Variants in NRXN3 observed in about 807,000 individuals in gnomAD.
NRXN3 encodes neurexin III.
Under a neutral mutation model 137.6 loss-of-function variants are expected in NRXN3, and 32 were observed. That is an observed-to-expected ratio of 0.23 (90% confidence interval 0.18 to 0.31). The LOEUF is 0.31. Ranked by LOEUF, NRXN3 falls within the 10% of genes least tolerant of loss-of-function variation. NRXN3 has a pLI of 1.00. For missense variants in NRXN3, 1,574 were observed against 2,062.5 expected, an observed-to-expected ratio of 0.76 and a Z score of 4.59; for synonymous variants, 798 against 784.5, an observed-to-expected ratio of 1.02 and a Z score of -0.29.
At chr14:78,736,254 G>A (rs4903795) in intron 8 of NRXN3, among the ~76,000 whole-genome samples, 62,086 of 152,038 alleles carry the variant, frequency 0.41, 13,854 homozygotes, top group Admixed American at 0.49. Flanking sequence ...CCATCCTGGA[G>A]TTCAAGATGT....
chr14:79,317,342 A>G (rs184222921), intron 15 of NRXN3, among the ~76,000 whole-genome samples: 1 of 152,250 alleles, frequency 6.6e-6, no homozygotes, highest in African/African-American at 2.4e-5. Context: ...AATCTTTGGC[A>G]TTCTTTGGTT....
chr14:78,240,742 G>A (rs2066979345), intron 1 of NRXN3, among the ~76,000 whole-genome samples: 1 of 152,182 alleles, frequency 6.6e-6, no homozygotes, highest in African/African-American at 2.4e-5. Context: ...ATAGAACAAA[G>A]CCTTTCCTTA....
intron 15 of NRXN3, among the ~76,000 whole-genome samples, chr14:79,409,615 GTCTA>G (rs1458758616): frequency 3.7e-5 from 2 of 53,420 alleles, no homozygotes; most frequent in South Asian, 1.4e-3. Context: ...GTGTGTGTGT[GTCTA>G]TATATATATA....
intron 3 of NRXN3, among the ~76,000 whole-genome samples, chr14:78,296,488 T>A (rs913619123): frequency 6.6e-6 from 1 of 152,166 alleles, no homozygotes; most frequent in African/African-American, 2.4e-5. Flanking sequence ...CCTTTTCTCC[T>A]CTCTTCTTAC....
rs2293812 is a variant in NRXN3 at position 79,813,653 on chromosome 14, C to T, written c.4093+8463C>T. ...TATCTCAAAACAAAACAAACCCCAA[C>T]GAAATCCAAGAAAGTTGTGTACAAA... On this transcript the variant is annotated intron_variant, in intron 20 of 20. Transcript: ENST00000335750. Among the ~76,000 whole-genome samples, 76 of 152,216 alleles carry T rather than the reference C, an allele frequency of 5.0e-4. 1 individual carries two copies. The East Asian group carries it at 7.7e-3, about 15-fold the overall frequency.
intron 10 of NRXN3, among the ~76,000 whole-genome samples, chr14:78,917,888 A>G (rs2099259817): frequency 6.6e-6 from 1 of 152,040 alleles, no homozygotes; most frequent in Non-Finnish European, 1.5e-5. Flanking sequence ...TACAAAGTCA[A>G]TCTAGGAGTA....
chr14:78,171,521 C>T (rs967770837), intron 1 of NRXN3, among the ~76,000 whole-genome samples: 7 of 151,802 alleles, frequency 4.6e-5, no homozygotes, highest in South Asian at 2.1e-4. Flanking sequence ...AAGCCTGGTT[C>T]GATGTATTGT....
At chr14:78,456,803 T>TCTTTCTC (rs2094723372) in intron 4 of NRXN3, among the ~76,000 whole-genome samples, 1 of 82,794 alleles carries the variant, frequency 1.2e-5, no homozygotes, top group Non-Finnish European at 2.6e-5. Flanking sequence ...CTTTCTCTCT[T>TCTTTCTC]TCTTTCTTTC....
rs866862711 is a variant in NRXN3 at position 78,539,347 on chromosome 14, G to T, written c.758-105773G>T. On this transcript the variant is annotated intron_variant, in intron 4 of 20. Coordinates refer to ENST00000335750, the MANE Select transcript of NRXN3 (RefSeq NM_001330195.2). Reference sequence around the variant, plus strand: ...TTCTTCCTGGTTTAGTCTTGGGAGGGTATATGTGTCCAGGAATTTATCCAT... The same window carrying T: ...TTCTTCCTGGTTTAGTCTTGGGAGGTTATATGTGTCCAGGAATTTATCCAT... 3.8e-4 allele frequency among the ~76,000 whole-genome samples: 58 copies of T among 152,150 alleles called. 1 individual carries two copies. Among genetic ancestry groups the T allele is most frequent in the African/African-American group, 1.3e-3 (54 of 41,436 alleles).
chr14:79,668,373 G>A (rs949880334), intron 17 of NRXN3, among the ~76,000 whole-genome samples: 2 of 151,976 alleles, frequency 1.3e-5, no homozygotes, highest in Non-Finnish European at 2.9e-5. Flanking sequence ...ACTCCATCCT[G>A]TGAAGGACAG....
intron 3 of NRXN3, among the ~76,000 whole-genome samples, chr14:78,279,016 T>C (rs930943731): frequency 6.6e-6 from 1 of 152,232 alleles, no homozygotes; most frequent in South Asian, 2.1e-4. Context: ...ACACATCTGC[T>C]TATCTTCTCT....
At chr14:78,894,967 G>A (rs1343046825) in intron 10 of NRXN3, among the ~76,000 whole-genome samples, 2 of 151,254 alleles carry the variant, frequency 1.3e-5, no homozygotes, top group Non-Finnish European at 3.0e-5. Flanking sequence ...TTTGTAAATA[G>A]ATGTACTGTC....
At chr14:78,786,482 A>C (rs1174677932) in intron 8 of NRXN3, among the ~76,000 whole-genome samples, 1 of 152,184 alleles carries the variant, frequency 6.6e-6, no homozygotes, top group Non-Finnish European at 1.5e-5. Context: ...TACTGTACAC[A>C]AAGTTAGAGT....
intron 15 of NRXN3, among the ~76,000 whole-genome samples, chr14:79,463,446 G>A (rs2096379268): frequency 6.6e-6 from 1 of 151,644 alleles, no homozygotes; most frequent in African/African-American, 2.4e-5. Context: ...AAAACAATAA[G>A]CCAGGCCCAT....
chr14:78,827,298 T>C (rs541048363), intron 10 of NRXN3, among the ~76,000 whole-genome samples: 2 of 151,292 alleles, frequency 1.3e-5, no homozygotes, highest in East Asian at 3.9e-4. Flanking sequence ...CAAAAGAACA[T>C]TCCAGAAATA....
intron 15 of NRXN3, among the ~76,000 whole-genome samples, chr14:79,430,009 T>C (rs1016350477): frequency 6.6e-6 from 1 of 152,164 alleles, no homozygotes; most frequent in Non-Finnish European, 1.5e-5. Flanking sequence ...TTAAGTTTTT[T>C]CCATCTAGGA....
intron 4 of NRXN3, among the ~76,000 whole-genome samples, chr14:78,481,068 A>T (rs1487010151): frequency 6.6e-6 from 1 of 152,194 alleles, no homozygotes; most frequent in African/African-American, 2.4e-5. Flanking sequence ...GTGGTGGTGT[A>T]GAAAGTTAGT....
chr14:78,809,427 G>A (rs1010300980), intron 9 of NRXN3, among the ~76,000 whole-genome samples: 9 of 152,200 alleles, frequency 5.9e-5, no homozygotes, highest in Admixed American at 3.9e-4. Flanking sequence ...TTCAGTCTGC[G>A]TATTCAGGCA....
intron 8 of NRXN3, among the ~76,000 whole-genome samples, chr14:78,768,082 A>G (rs982931374): frequency 6.6e-6 from 1 of 151,884 alleles, no homozygotes; most frequent in African/African-American, 2.4e-5. Context: ...TACCAAAAAA[A>G]AAAAAAAAAA....
Sources: gnomAD v4.1 joint callset for allele counts (sites outside exome capture counted in the v4.1 genomes callset) on GRCh38, gnomAD v4.1.1 for gene constraint, MANE v1.5 for transcripts, NCBI Gene and HGNC (gene_info 2026-07-23, HGNC 2026-07-21) for gene names.